TMEM9: variants seen among roughly 807,000 people sequenced by gnomAD.
TMEM9 encodes the protein proton-transporting V-type ATPase complex assembly regulator TMEM9.
Under a neutral mutation model 22.8 loss-of-function variants are expected in TMEM9, and 13 were observed. The ratio of observed to expected loss-of-function variants is 0.57; its 90% confidence interval spans 0.37 to 0.91. TMEM9 has a LOEUF of 0.91. TMEM9 is among the 40% of genes least tolerant of loss of function. The pLI is 0.01. For missense variants in TMEM9, 182 were observed against 238.1 expected (o/e 0.76, Z 1.55); for synonymous variants, 88 against 93.0 (o/e 0.95, Z 0.31).
At chr1:201,136,905 A>G (rs1226568022) in intron 4 of TMEM9, among the ~76,000 whole-genome samples, 2 of 152,246 alleles carry the variant, frequency 1.3e-5, no homozygotes, top group African/African-American at 4.8e-5. Context: ...CCAAGCTGGC[A>G]CGGCTTCTGT....
upstream of TMEM9, among the ~76,000 whole-genome samples, chr1:201,154,700 C>T (rs1040767293): frequency 1.3e-5 from 2 of 152,206 alleles, no homozygotes; most frequent in African/African-American, 2.4e-5. Context: ...ACTCCCACTG[C>T]GGTGCTTCTC....
intron 4 of TMEM9, among the ~76,000 whole-genome samples, chr1:201,140,967 G>A (rs1664472689): frequency 6.6e-6 from 1 of 152,112 alleles, no homozygotes; most frequent in African/African-American, 2.4e-5. Flanking sequence ...CCAGGACTAG[G>A]GCCCCCAGTC....
chr1:201,146,460 A>G (rs903568527), intron 3 of TMEM9, among the ~76,000 whole-genome samples: 2 of 152,176 alleles, frequency 1.3e-5, no homozygotes, highest in Non-Finnish European at 2.9e-5. Flanking sequence ...GGAACGAAAT[A>G]AACTGTAAAG....
At chr1:201,139,343 C>T (rs1664299752) in intron 4 of TMEM9, among the ~76,000 whole-genome samples, 1 of 152,220 alleles carries the variant, frequency 6.6e-6, no homozygotes, top group Non-Finnish European at 1.5e-5. Flanking sequence ...GAGGACTATA[C>T]AGCCTCTCTG....
chr1:201,166,889 CTG>C (rs1050502203), intron 1 of TMEM9, among the ~76,000 whole-genome samples: 2 of 152,190 alleles, frequency 1.3e-5, no homozygotes, highest in African/African-American at 4.8e-5. Flanking sequence ...TGTTAAATCT[CTG>C]TGTGATTCTG....
intron 2 of TMEM9, among the ~76,000 whole-genome samples, chr1:201,149,574 A>C (rs1665256464): frequency 6.6e-6 from 1 of 152,162 alleles, no homozygotes; most frequent in East Asian, 1.9e-4. Flanking sequence ...ATATGGTCAT[A>C]ATCTCTCAAC....
intron 1 of TMEM9, among the ~76,000 whole-genome samples, chr1:201,160,918 A>G (rs1252181287): frequency 6.7e-6 from 1 of 150,352 alleles, no homozygotes; most frequent in African/African-American, 2.4e-5. Context: ...CCTGGGGGAC[A>G]GAGTGAGACT....
intron 4 of TMEM9, 115 bp downstream of exon 4, chr1:201,143,705 G>A: frequency 2.9e-6 from 3 of 1,046,984 alleles, no homozygotes; most frequent in South Asian, 2.9e-5. Flanking sequence ...GACCAGAAGA[G>A]CAACTTGAAG....
upstream of TMEM9, among the ~76,000 whole-genome samples, chr1:201,155,192 G>C (rs1012539586): frequency 6.6e-6 from 1 of 152,216 alleles, no homozygotes; most frequent in Non-Finnish European, 1.5e-5. Flanking sequence ...TGGCCCTGGC[G>C]CTCCCCCTAA....
chr1:201,171,310 G>C (rs2102300461), intron 1 of TMEM9, among the ~76,000 whole-genome samples: 1 of 152,322 alleles, frequency 6.6e-6, no homozygotes, highest in East Asian at 1.9e-4. Context: ...CCCACCGCGG[G>C]GGTGCACTGG....
At chr1:201,170,577 C>A (rs2102299742) in intron 1 of TMEM9, among the ~76,000 whole-genome samples, 1 of 152,282 alleles carries the variant, frequency 6.6e-6, no homozygotes, top group East Asian at 1.9e-4. Flanking sequence ...AGGAGACAGA[C>A]ACGCTGACGG....
intron 4 of TMEM9, among the ~76,000 whole-genome samples, chr1:201,138,208 G>A (rs1054794719): frequency 3.3e-5 from 5 of 152,288 alleles, no homozygotes; most frequent in African/African-American, 7.2e-5. Context: ...TCAGGGGAGC[G>A]TCTTGAGAAG....
In TMEM9 at chr1:201,135,532, G is replaced by T; in HGVS notation, c.*131C>A. 1 of 938,364 alleles carries T rather than the reference G, an allele frequency of 1.1e-6. No individual in the cohort carries two copies. Among genetic ancestry groups the T allele is most frequent in the Non-Finnish European group, 1.5e-6 (1 of 654,164 alleles). 58.1% of individuals were successfully genotyped at this position (938,364 alleles called of 1,614,324 possible). Reference sequence around the variant, plus strand: ...ACAACATTTCTAAAGTTAGGGAGAAGGAGGAAAAATGCCACAGGCTTTTAA... The same window carrying T: ...ACAACATTTCTAAAGTTAGGGAGAATGAGGAAAAATGCCACAGGCTTTTAA... On this transcript the variant is annotated 3_prime_UTR_variant, in exon 5 of 5. Coordinates refer to ENST00000367330, the MANE Select transcript of TMEM9 (RefSeq NM_001288565.2).
chr1:201,160,381 G>C (rs1210987703), intron 1 of TMEM9, among the ~76,000 whole-genome samples: 2 of 149,308 alleles, frequency 1.3e-5, no homozygotes, highest in Admixed American at 1.3e-4. Context: ...CCTGAGGTCG[G>C]GAGTTCAAGA....
intron 1 of TMEM9, among the ~76,000 whole-genome samples, chr1:201,152,542 A>G (rs765791177): frequency 1.7e-4 from 26 of 152,228 alleles, no homozygotes; most frequent in Non-Finnish European, 3.1e-4. Context: ...AAAGAATGGA[A>G]GTTATCTCAG....
At chr1:201,139,228 C>G (rs1306150381) in intron 4 of TMEM9, among the ~76,000 whole-genome samples, 2 of 151,362 alleles carry the variant, frequency 1.3e-5, no homozygotes, top group African/African-American at 4.9e-5. Context: ...TCTGGCTGCT[C>G]CTCCTCCCTC....
Position 201,154,245 on chromosome 1 carries a change from C to T in TMEM9, c.-322G>A. 1 of 252,554 alleles carries T rather than the reference C, an allele frequency of 4.0e-6. No individual in the cohort carries two copies. The highest frequency in any genetic ancestry group is 5.1e-5 in the Admixed American group (1 of 19,710). The allele number at this position is 252,554 out of a possible 1,614,324, so 15.6% of individuals were successfully genotyped here. On this transcript the variant is annotated 5_prime_UTR_variant, in exon 1 of 5. It adds an upstream start codon to the 5' untranslated region. Transcript: ENST00000367330. ...GCTCTGACCCGCGCATCACGTCCCA[C>T]CGCCCTCCGCCATCTCCGCCTCTGC...
At chr1:201,152,762 T>C (rs1358514505) in intron 1 of TMEM9, among the ~76,000 whole-genome samples, 1 of 152,198 alleles carries the variant, frequency 6.6e-6, no homozygotes, top group Non-Finnish European at 1.5e-5. Context: ...AGCACAGACA[T>C]GACCACAAAG....
intron 2 of TMEM9, among the ~76,000 whole-genome samples, chr1:201,151,319 C>T (rs997849522): frequency 6.6e-6 from 1 of 152,158 alleles, no homozygotes; most frequent in African/African-American, 2.4e-5. Context: ...TTCTTTGGGC[C>T]TCTGTCTCTG....
Sources: gnomAD v4.1 joint callset for allele counts (sites outside exome capture counted in the v4.1 genomes callset) on GRCh38, gnomAD v4.1.1 for gene constraint, MANE v1.5 for transcripts, NCBI Gene and HGNC (gene_info 2026-07-23, HGNC 2026-07-21) for gene names.